LRRC53: variants seen among roughly 807,000 people sequenced by gnomAD.
LRRC53 encodes the protein leucine-rich repeat-containing protein 53.
Under a neutral mutation model 13.6 loss-of-function variants are expected in LRRC53, and 25 were observed. That is an observed-to-expected ratio of 1.83 (90% CI 1.34 to 2.56). The LOEUF (loss-of-function observed/expected upper bound fraction) is 2.56, where lower values mean the gene tolerates loss of function less well. Among genes scored for constraint, LRRC53 ranks in the 30% most tolerant of loss-of-function variants. The pLI, the probability that LRRC53 is intolerant of heterozygous loss-of-function variation, is 0.00. For synonymous variants in LRRC53, 204 were observed against 109.8 expected (o/e 1.86, Z -5.37); for missense variants, 527 against 275.8 (o/e 1.91, Z -6.45).
chr1:74,480,948 C>T lies in LRRC53; in HGVS notation c.109G>A (p.Val37Ile), dbSNP rs1373486789. The change falls in exon 3 of 5, where the codon GTT (valine) becomes ATT (isoleucine). Residue 37 changes from valine to isoleucine, a missense_variant. Coordinates refer to ENST00000294635, the MANE Select transcript of LRRC53 (RefSeq NM_001382280.1). ...YIVAAPMTTR[V>I]LIITDGYLSS... ...AGATATCCATCGGTGATGATTAAAA[C>T]CCTCGTGGTCATAGGGGCTGCTGTG... The T allele has an allele frequency of 1.3e-5, 9 of 715,276 alleles. No homozygotes were observed. The highest frequency in any genetic ancestry group is 4.0e-5 in the Admixed American group (2 of 49,920). 44.3% of individuals were successfully genotyped at this position (715,276 alleles called of 1,614,324 possible).
chr1:74,518,579 G>A, the LRRC53 span, among the ~76,000 whole-genome samples: 3 of 152,116 alleles, frequency 2.0e-5, no homozygotes, highest in Non-Finnish European at 2.9e-5. Flanking sequence ...TAATCGTGAC[G>A]AAGCTTATGG....
upstream of LRRC53, among the ~76,000 whole-genome samples, chr1:74,514,635 T>C (rs1646322111): frequency 6.6e-6 from 1 of 152,064 alleles, no homozygotes; most frequent in Non-Finnish European, 1.5e-5. Flanking sequence ...TCTTCTGAGA[T>C]AGTAAGGGGG....
chr1:74,526,738 A>G, the LRRC53 span, among the ~76,000 whole-genome samples: 2 of 152,212 alleles, frequency 1.3e-5, no homozygotes, highest in East Asian at 1.9e-4. Flanking sequence ...GAGATCCTAC[A>G]TTCACTGAGA....
chr1:74,515,202 A>G (rs549119520), upstream of LRRC53, among the ~76,000 whole-genome samples: 3 of 152,280 alleles, frequency 2.0e-5, no homozygotes, highest in Admixed American at 2.0e-4. Context: ...GAACTTTCTT[A>G]TGGCAGCCCT....
chr1:74,507,710 A>G (rs904741099), intron 1 of LRRC53, among the ~76,000 whole-genome samples: 5 of 152,228 alleles, frequency 3.3e-5, no homozygotes, highest in African/African-American at 1.2e-4. Context: ...AGAATTTCAA[A>G]GAACTTGTTT....
intron 1 of LRRC53, among the ~76,000 whole-genome samples, chr1:74,495,762 A>C (rs559121127): frequency 6.6e-6 from 1 of 152,236 alleles, no homozygotes; most frequent in East Asian, 1.9e-4. Context: ...CTGGCATAGG[A>C]GATGCATGTT....
the LRRC53 span, among the ~76,000 whole-genome samples, chr1:74,525,600 T>C: frequency 2.0e-5 from 3 of 152,190 alleles, no homozygotes; most frequent in Non-Finnish European, 4.4e-5. Flanking sequence ...ATGCCAAGGC[T>C]ACAGAGATAA....
intron 2 of LRRC53, among the ~76,000 whole-genome samples, chr1:74,481,429 T>C (rs539064450): frequency 6.6e-6 from 1 of 152,270 alleles, no homozygotes; most frequent in South Asian, 2.1e-4. Flanking sequence ...AAGTCAATCA[T>C]CTTTTCTCCC....
In LRRC53 at chr1:74,471,077, C is replaced by T. The variant is rs1417543829; in HGVS notation, c.2545G>A (p.Glu849Lys). Residue 849 changes from glutamate to lysine, a missense_variant, in exon 5 of 5, where the codon GAG (glutamate) becomes AAG (lysine). By Grantham distance (56) the Glu-to-Lys change is moderately conservative. Transcript: ENST00000294635. Reference sequence around the variant, plus strand: ...AATTGAGAATGTGAGTGCCTGTGCTCAGCATCAGTGGGTGTAGGTTGGGGC... The same window carrying T: ...AATTGAGAATGTGAGTGCCTGTGCTTAGCATCAGTGGGTGTAGGTTGGGGC... ...KLPQPTPTDA[E>K]HRHSHSQFST... is the part of the protein sequence containing the mutation. 3 of 400,620 alleles carry T rather than the reference C, an allele frequency of 7.5e-6. No individual in the cohort carries two copies. The highest frequency in any genetic ancestry group is 1.3e-5 in the Non-Finnish European group (3 of 226,198). 24.8% of individuals were successfully genotyped at this position (400,620 alleles called of 1,614,324 possible). A position where few individuals can be genotyped will look rare whatever the true frequency, so the allele number is the denominator to read the frequency against.
At chr1:74,494,811 T>C (rs1036627347) in intron 1 of LRRC53, among the ~76,000 whole-genome samples, 4 of 152,156 alleles carry the variant, frequency 2.6e-5, no homozygotes, top group African/African-American at 9.7e-5. Flanking sequence ...TAAGGAGAGG[T>C]ACTATTGTCA....
At chr1:74,509,848 G>A (rs1347040087) in intron 1 of LRRC53, among the ~76,000 whole-genome samples, 1 of 140,612 alleles carries the variant, frequency 7.1e-6, no homozygotes, top group African/African-American at 2.7e-5. Context: ...AACTTCCCCA[G>A]GCTCAGGTGA....
intron 1 of LRRC53, among the ~76,000 whole-genome samples, chr1:74,488,767 C>A (rs183569581): frequency 6.6e-6 from 1 of 152,152 alleles, no homozygotes; most frequent in African/African-American, 2.4e-5. Flanking sequence ...CTGAGATGAT[C>A]TTTTCAAAAG....
chr1:74,535,054 T>C, the LRRC53 span, among the ~76,000 whole-genome samples: 1 of 152,144 alleles, frequency 6.6e-6, no homozygotes, highest in Non-Finnish European at 1.5e-5. Context: ...CATTCAGCCC[T>C]GGCCAAATGT....
intron 2 of LRRC53, 135 bp from the exon 3 acceptor site, chr1:74,481,103 G>A (rs936762652): frequency 8.8e-6 from 5 of 569,900 alleles, no homozygotes; most frequent in African/African-American, 3.7e-5. Context: ...TACAAAAAAT[G>A]AAAATGATTT....
At chr1:74,510,280 G>A (rs887311957) in intron 1 of LRRC53, among the ~76,000 whole-genome samples, 2 of 152,100 alleles carry the variant, frequency 1.3e-5, no homozygotes, top group Non-Finnish European at 2.9e-5. Flanking sequence ...GCCGAGGCGG[G>A]CAGATCACGA....
At chr1:74,525,931 T>C in the LRRC53 span, among the ~76,000 whole-genome samples, 1 of 152,184 alleles carries the variant, frequency 6.6e-6, no homozygotes, top group African/African-American at 2.4e-5. Context: ...CCCAGCTACA[T>C]AATATCATTT....
intron 1 of LRRC53, among the ~76,000 whole-genome samples, chr1:74,493,075 C>A (rs926777466): frequency 6.6e-6 from 1 of 152,116 alleles, no homozygotes. Context: ...TCCTTAAAGG[C>A]CTTCTCTCCA....
At position 74,470,245 on chromosome 1, in the gene LRRC53, A is replaced by G. The variant is rs1367835962; in HGVS notation, c.3377T>C (p.Leu1126Ser). ...WENGTSEKYI[L>S]HDASSAEETI... is the part of the protein sequence containing the mutation. The stretch of plus-strand genomic sequence containing the variant: ...CTCCTCGGCAGAGCTTGCATCATGT[A>G]ATATATATTTTTCACTTGTTCCATT... Residue 1126 changes from leucine to serine, a missense_variant, in exon 5 of 5, where the codon TTA becomes TCA. Physicochemically the swap from Leu to Ser is moderately radical, Grantham distance 145 (BLOSUM62 -2). Coordinates refer to ENST00000294635, the MANE Select transcript of LRRC53 (RefSeq NM_001382280.1). The G allele has an allele frequency of 7.5e-6, 3 of 400,554 alleles. No homozygotes were observed. In the East Asian group the frequency reaches 1.1e-4, roughly 14 times the overall value. The allele number at this position is 400,554 out of a possible 1,614,324, so 24.8% of individuals were successfully genotyped here.
chr1:74,536,620 G>A, the LRRC53 span, among the ~76,000 whole-genome samples: 8 of 151,844 alleles, frequency 5.3e-5, no homozygotes, highest in Non-Finnish European at 5.9e-5. Context: ...CTAACCTAAA[G>A]ACTATGTTAT....
Sources: allele counts gnomAD v4.1 joint callset (sites outside exome capture counted in the v4.1 genomes callset), GRCh38; gene constraint gnomAD v4.1.1; transcripts MANE v1.5; gene names NCBI Gene and HGNC (gene_info 2026-07-23, HGNC 2026-07-21).